Variants in ZMAT4 observed in about 807,000 individuals in gnomAD.
ZMAT4 encodes the protein zinc finger matrin-type protein 4.
A neutral mutation model predicts 28.7 loss-of-function variants in ZMAT4; 17 were observed. That is an observed-to-expected ratio of 0.59 (90% confidence interval 0.41 to 0.89). The LOEUF is 0.89. ZMAT4 is among the 40% of genes least tolerant of loss of function. ZMAT4 has a pLI of 0.00. For synonymous variants in ZMAT4, 117 were observed against 109.2 expected (o/e 1.07, Z -0.44); for missense variants, 240 against 283.8 (o/e 0.85, Z 1.11).
chr8:40,701,894 T>A (rs961384003), intron 3 of ZMAT4, among the ~76,000 whole-genome samples: 2 of 152,128 alleles, frequency 1.3e-5, no homozygotes, highest in Admixed American at 1.3e-4. Context: ...CTCTAGATTA[T>A]ATCATCTGCT....
intron 2 of ZMAT4, among the ~76,000 whole-genome samples, chr8:40,814,876 A>G (rs1289917639): frequency 6.6e-6 from 1 of 152,260 alleles, no homozygotes; most frequent in East Asian, 1.9e-4. Context: ...AAATATTCAC[A>G]TATTTATACT....
intron 1 of ZMAT4, among the ~76,000 whole-genome samples, chr8:40,895,914 A>G (rs1382435180): frequency 1.3e-5 from 2 of 152,202 alleles, no homozygotes; most frequent in Admixed American, 6.5e-5. Flanking sequence ...GACGACGTCC[A>G]TGACTAACCA....
intron 1 of ZMAT4, among the ~76,000 whole-genome samples, chr8:40,855,180 C>T (rs1316096523): frequency 6.6e-6 from 1 of 152,126 alleles, no homozygotes; most frequent in Non-Finnish European, 1.5e-5. Context: ...AACTTAGGCT[C>T]TTTGTAAACG....
intron 3 of ZMAT4, among the ~76,000 whole-genome samples, chr8:40,753,179 G>A (rs1424450108): frequency 6.6e-6 from 1 of 151,292 alleles, no homozygotes; most frequent in Non-Finnish European, 1.5e-5. Context: ...GTGTTAGTTT[G>A]CTGAGAATGA....
At chr8:40,549,566 A>T (rs987152961) in intron 6 of ZMAT4, among the ~76,000 whole-genome samples, 2 of 152,200 alleles carry the variant, frequency 1.3e-5, no homozygotes, top group African/African-American at 4.8e-5. Context: ...GAAACCAGGT[A>T]ATCAGAGATT....
intron 1 of ZMAT4, among the ~76,000 whole-genome samples, chr8:40,846,942 C>T (rs1416893739): frequency 6.6e-6 from 1 of 152,218 alleles, no homozygotes; most frequent in South Asian, 2.1e-4. Context: ...CACAGTGGCT[C>T]ATGCCTGTAA....
At chr8:40,663,243 C>A (rs1808275828) in intron 5 of ZMAT4, among the ~76,000 whole-genome samples, 1 of 152,204 alleles carries the variant, frequency 6.6e-6, no homozygotes, top group Non-Finnish European at 1.5e-5. Flanking sequence ...GGGAAACTAG[C>A]CACCAACTTC....
At chr8:40,719,744 A>G (rs1805504938) in intron 3 of ZMAT4, among the ~76,000 whole-genome samples, 1 of 151,952 alleles carries the variant, frequency 6.6e-6, no homozygotes, top group East Asian at 1.9e-4. Flanking sequence ...TAATTTTTGT[A>G]TTTTTTAGTA....
intron 6 of ZMAT4, among the ~76,000 whole-genome samples, chr8:40,557,410 A>C (rs1803580258): frequency 6.6e-6 from 1 of 152,116 alleles, no homozygotes; most frequent in Non-Finnish European, 1.5e-5. Flanking sequence ...TCCTCTCTGC[A>C]TTCCAGGGTT....
intron 5 of ZMAT4, among the ~76,000 whole-genome samples, chr8:40,613,262 A>C: frequency 1.5e-5 from 2 of 136,554 alleles, no homozygotes; most frequent in African/African-American, 2.8e-5. Flanking sequence ...AGCTCACTGA[A>C]ACTTCCACCT....
chr8:40,777,809 A>G (rs1813665362), intron 2 of ZMAT4, among the ~76,000 whole-genome samples: 1 of 152,200 alleles, frequency 6.6e-6, no homozygotes, highest in African/African-American at 2.4e-5. Context: ...CAGCTGCAAC[A>G]AGGCTCCCAG....
intron 3 of ZMAT4, among the ~76,000 whole-genome samples, chr8:40,729,069 G>A (rs1374729008): frequency 6.6e-6 from 1 of 152,158 alleles, no homozygotes; most frequent in Non-Finnish European, 1.5e-5. Context: ...TCATGAATTT[G>A]TTTCTTTGTT....
chr8:40,725,550 G>T (rs932264934), intron 3 of ZMAT4, among the ~76,000 whole-genome samples: 2 of 152,180 alleles, frequency 1.3e-5, no homozygotes, highest in Non-Finnish European at 2.9e-5. Context: ...AGTCTAAGAT[G>T]CATGTGCTTT....
intron 3 of ZMAT4, among the ~76,000 whole-genome samples, chr8:40,705,069 G>T (rs2150502065): frequency 6.6e-6 from 1 of 152,226 alleles, no homozygotes; most frequent in South Asian, 2.1e-4. Flanking sequence ...CCATAGTATT[G>T]GGGGAAATGG....
At chr8:40,688,910 A>G (rs562032181) in intron 4 of ZMAT4, among the ~76,000 whole-genome samples, 1 of 152,318 alleles carries the variant, frequency 6.6e-6, no homozygotes, top group African/African-American at 2.4e-5. Flanking sequence ...AGGATGAGCA[A>G]ATGGATTTGT....
intron 5 of ZMAT4, among the ~76,000 whole-genome samples, chr8:40,607,777 A>T (rs2118643482): frequency 6.6e-6 from 1 of 152,014 alleles, no homozygotes; most frequent in East Asian, 1.9e-4. Context: ...CTGAGAGCCA[A>T]ACTGCAGTGA....
chr8:40,724,361 G>A (rs1220403910), intron 3 of ZMAT4, among the ~76,000 whole-genome samples: 3 of 152,214 alleles, frequency 2.0e-5, no homozygotes, highest in Admixed American at 1.3e-4. Flanking sequence ...TAAGCTGTCA[G>A]ATTTGGAGCT....
At chr8:40,841,783 T>C (rs1816709635) in intron 1 of ZMAT4, among the ~76,000 whole-genome samples, 1 of 152,220 alleles carries the variant, frequency 6.6e-6, no homozygotes, top group Non-Finnish European at 1.5e-5. Flanking sequence ...AAAAGTAAAA[T>C]GCACTAGTGT....
At chr8:40,629,959 G>A (rs960818525) in intron 5 of ZMAT4, among the ~76,000 whole-genome samples, 3 of 152,000 alleles carry the variant, frequency 2.0e-5, no homozygotes, top group Non-Finnish European at 4.4e-5. Flanking sequence ...ATTTCTAGTT[G>A]TAGATCCCTG....
Sources: gnomAD v4.1 joint callset for allele counts (sites outside exome capture counted in the v4.1 genomes callset) on GRCh38, gnomAD v4.1.1 for gene constraint, MANE v1.5 for transcripts, NCBI Gene and HGNC (gene_info 2026-07-23, HGNC 2026-07-21) for gene names.